The following TRMT10B variants were observed in gnomAD, a reference collection of about 807,000 sequenced individuals.
TRMT10B encodes tRNA methyltransferase 10 homolog B.
TRMT10B carries 33 observed loss-of-function variants against 43.8 expected under a neutral mutation model. The ratio of observed to expected loss-of-function variants is 0.75; its 90% CI spans 0.57 to 1.01. The LOEUF is 1.01. Among genes scored for constraint, TRMT10B ranks in the 50% least tolerant of loss-of-function variants. TRMT10B has a pLI of 0.00. For synonymous variants in TRMT10B, 137 were observed against 130.6 expected, an observed-to-expected ratio of 1.05 and a Z score of -0.34; for missense variants, 362 against 369.8, an observed-to-expected ratio of 0.98 and a Z score of 0.17.
intron 1 of TRMT10B, among the ~76,000 whole-genome samples, chr9:37,760,310 A>G (rs1398385286): frequency 1.3e-5 from 2 of 152,250 alleles, no homozygotes; most frequent in African/African-American, 2.4e-5. Flanking sequence ...TGACAGTGTG[A>G]GACTCCATCT....
intron 3 of TRMT10B, among the ~76,000 whole-genome samples, chr9:37,763,143 C>CAAAAAAAAA (rs747893643): frequency 3.6e-4 from 18 of 50,130 alleles, no homozygotes; most frequent in East Asian, 7.8e-4. Flanking sequence ...GACTCTGTCT[C>CAAAAAAAAA]AAAAAAAAAA....
In TRMT10B at chr9:37,776,222, C is replaced by G. The variant is rs779649682; in HGVS notation, c.721-60C>G. 3.7e-5 allele frequency: 49 copies of G among 1,315,438 alleles called. No homozygotes were observed. In the Middle Eastern group the frequency reaches 1.0e-3, roughly 28 times the overall value. The allele number at this position is 1,315,438 out of a possible 1,614,324, so 81.5% of individuals were successfully genotyped here. On this transcript the variant is annotated intron_variant, in intron 7 of 8. Coordinates refer to ENST00000297994, the MANE Select transcript of TRMT10B (RefSeq NM_144964.4). Reference sequence around the variant, plus strand: ...GCTACTTATTTTTAATGCTGTATTACATTGAGAATATACTCATGTATAATT... The same window carrying G: ...GCTACTTATTTTTAATGCTGTATTAGATTGAGAATATACTCATGTATAATT...
intron 4 of TRMT10B, among the ~76,000 whole-genome samples, chr9:37,764,253 ATTC>A (rs565348088): frequency 6.6e-6 from 1 of 151,830 alleles, no homozygotes; most frequent in South Asian, 2.1e-4. Flanking sequence ...GGTTCAAGCA[ATTC>A]TTCTGCCTCA....
rs370258442 is a variant in TRMT10B at position 37,777,713 on chromosome 9, C to T, written c.*6C>T. ...TTCGGAACTCAGTGGAATGATGGGCCTAAGATTGCAGCTGCGTGGCCAGGT... is the reference window on the plus strand; with the variant it reads ...TTCGGAACTCAGTGGAATGATGGGCTTAAGATTGCAGCTGCGTGGCCAGGT... On this transcript the variant is annotated 3_prime_UTR_variant, in exon 9 of 9. Transcript: ENST00000297994. 8 of 1,611,990 alleles carry T rather than the reference C, an allele frequency of 5.0e-6. No homozygotes were observed. The African/African-American group carries it at 8.0e-5, about 16-fold the overall frequency.
intron 5 of TRMT10B, chr9:37,769,640 C>A: frequency 2.9e-4 from 57 of 193,990 alleles, no homozygotes; most frequent in Non-Finnish European, 3.1e-4. Context: ...TTTTTAAAGA[C>A]AGGCTGAAGT....
chr9:37,769,308 TAAAAAAAAAAAAAAAAAAAAAAA>T (rs57651814), intron 5 of TRMT10B, among the ~76,000 whole-genome samples: 4 of 60,718 alleles, frequency 6.6e-5, no homozygotes, highest in African/African-American at 3.0e-4. Context: ...ACCCTGTCTT[TAAAAAAAAAAAAAAAAAAAAAAA>T]AAAAAAAAAA....
intron 1 of TRMT10B, among the ~76,000 whole-genome samples, chr9:37,756,614 G>A (rs1825708164): frequency 6.6e-6 from 1 of 151,994 alleles, no homozygotes; most frequent in African/African-American, 2.4e-5. Flanking sequence ...GCTGAGGCAT[G>A]AGAATCGCTT....
At chr9:37,755,362 A>T (rs1294751494) in intron 1 of TRMT10B, among the ~76,000 whole-genome samples, 3 of 148,942 alleles carry the variant, frequency 2.0e-5, no homozygotes, top group Non-Finnish European at 3.0e-5. Context: ...CACAATGTGG[A>T]TGCCCTTAGG....
At chr9:37,762,799 C>T (rs1013073272) in intron 3 of TRMT10B, 114 bp downstream of exon 3, 23 of 1,271,936 alleles carry the variant, frequency 1.8e-5, no homozygotes, top group Non-Finnish European at 2.4e-5. Flanking sequence ...GGATGTGGGA[C>T]CCACTGCCCT....
intron 4 of TRMT10B, among the ~76,000 whole-genome samples, chr9:37,765,252 C>T (rs1420692552): frequency 6.6e-6 from 1 of 152,132 alleles, no homozygotes; most frequent in Non-Finnish European, 1.5e-5. Flanking sequence ...CCCCCCGTCC[C>T]CCGACCCCAC....
rs1419383390 is a variant in TRMT10B, at chr9:37,778,892, T to TATC, written c.*1186_*1188dup. 2.0e-5 allele frequency: 3 copies of TATC among 152,198 alleles called. No individual in the cohort carries two copies. Among genetic ancestry groups the TATC allele is most frequent in the African/African-American group, 7.2e-5 (3 of 41,452 alleles). 9.4% of individuals were successfully genotyped at this position (152,198 alleles called of 1,614,324 possible). Reference sequence around the variant, plus strand: ...TCCTAACAGGACAAATCTGTGTACCTATCTTTCTATCCTCCCTGAGCCTGT... The same window carrying TATC: ...TCCTAACAGGACAAATCTGTGTACCTATCATCTTTCTATCCTCCCTGAGCCTGT... On this transcript the variant is annotated 3_prime_UTR_variant, in exon 9 of 9. Coordinates refer to ENST00000297994, the MANE Select transcript of TRMT10B (RefSeq NM_144964.4).
Position 37,777,066 on chromosome 9 carries a change from C to T in TRMT10B, c.845-535C>T, listed in dbSNP as rs533074164. ...AAAATTAGCAGGGCATAGTGGCAGG[C>T]GCCTGTAATCCCAGCTAATCTGGAG... is the stretch of plus-strand genomic sequence containing the variant. On this transcript the variant is annotated intron_variant, in intron 8 of 8. Coordinates refer to ENST00000297994, the MANE Select transcript of TRMT10B (RefSeq NM_144964.4). Among the ~76,000 whole-genome samples the T allele has an allele frequency of 4.1e-4, 62 of 149,720 alleles. 1 individual carries two copies. The highest frequency in any genetic ancestry group is 1.3e-3 in the South Asian group (6 of 4,658).
chr9:37,769,210 A>T (rs1222220458), intron 5 of TRMT10B, among the ~76,000 whole-genome samples: 2 of 145,730 alleles, frequency 1.4e-5, no homozygotes, highest in East Asian at 4.4e-4. Context: ...CAGGAGGCTG[A>T]GGCAGGAGGA....
chr9:37,767,641 G>GTCTGTGAT (rs1394334620), intron 4 of TRMT10B: 1 of 151,426 alleles, frequency 6.6e-6, no homozygotes, highest in African/African-American at 2.4e-5. Flanking sequence ...TAAGAGCATT[G>GTCTGTGAT]TCTGTGATTC....
In TRMT10B at chr9:37,768,245, A is replaced by G. The variant is rs781121386; in HGVS notation, c.573+17A>G. 7 of 1,595,752 alleles carry G rather than the reference A, an allele frequency of 4.4e-6. No homozygotes were observed. Among genetic ancestry groups the G allele is most frequent in the Non-Finnish European group, 5.1e-6 (6 of 1,169,422 alleles). On this transcript the variant is annotated intron_variant, in intron 5 of 8. Coordinates refer to ENST00000297994, the MANE Select transcript of TRMT10B (RefSeq NM_144964.4). ...AGTTACCTGGTAAGTCTCTTTTTGC[A>G]TATTATTTGAATTGTCATCTGAAAA...
At chr9:37,768,972 C>G (rs1240199594) in intron 5 of TRMT10B, among the ~76,000 whole-genome samples, 1 of 152,138 alleles carries the variant, frequency 6.6e-6, no homozygotes, top group East Asian at 1.9e-4. Flanking sequence ...CTTTCTTAGT[C>G]CCTCAGCTTT....
chr9:37,763,807 G>A, intron 4 of TRMT10B, 54 bp downstream of exon 4: 1 of 1,612,020 alleles, frequency 6.2e-7, no homozygotes, highest in Non-Finnish European at 8.5e-7. Flanking sequence ...AGGCCCAGAA[G>A]GGTACAGCTT....
chr9:37,762,645 AG>A lies in TRMT10B; in HGVS notation c.256del (p.Glu86LysfsTer24), dbSNP rs1269039470. Reference sequence around the variant, plus strand: ...CAGCAAAGAAGAGCAAAAGAAAGCAAGAAAAAGAACGAAGAAAAGCCAATCG... The same window carrying A: ...CAGCAAAGAAGAGCAAAAGAAAGCAAAAAAAGAACGAAGAAAAGCCAATCG... ...VAAKKSKRKQEKERRKANRAE... is the reference protein window; with the variant it reads ...VAAKKSKRKQXKERRKANRAE... On this transcript the variant is annotated frameshift_variant, in exon 3 of 9. Coordinates refer to ENST00000297994, the MANE Select transcript of TRMT10B (RefSeq NM_144964.4). LOFTEE classifies it high-confidence loss of function. 2 of 1,596,672 alleles carry A rather than the reference AG, an allele frequency of 1.3e-6. No individual in the cohort carries two copies. The highest frequency in any genetic ancestry group is 1.3e-5 in the African/African-American group (1 of 74,790).
At chr9:37,761,169 G>C (rs554882482) in intron 1 of TRMT10B, among the ~76,000 whole-genome samples, 1 of 152,188 alleles carries the variant, frequency 6.6e-6, no homozygotes, top group African/African-American at 2.4e-5. Context: ...GATGTCTCTA[G>C]TACAGTACCT....
Sources: allele counts gnomAD v4.1 joint callset (sites outside exome capture counted in the v4.1 genomes callset), GRCh38; gene constraint gnomAD v4.1.1; transcripts MANE v1.5; gene names NCBI Gene and HGNC (gene_info 2026-07-23, HGNC 2026-07-21).